Variants in KCNQ3 observed in about 807,000 individuals in gnomAD.
KCNQ3 encodes potassium voltage-gated channel subfamily Q member 3.
In KCNQ3, 30 loss-of-function variants were observed where a neutral mutation model predicts 92.5. The observed-to-expected ratio is 0.32, with a 90% CI of 0.24 to 0.44. The LOEUF (loss-of-function observed/expected upper bound fraction) is 0.44. Ranked by LOEUF, KCNQ3 falls within the 20% of genes least tolerant of loss-of-function variation. The pLI, the probability that KCNQ3 is intolerant of heterozygous loss-of-function variation, is 1.00. For missense variants in KCNQ3, 913 were observed against 1,140.3 expected (o/e 0.80, Z 2.87); for synonymous variants, 450 against 468.8 (o/e 0.96, Z 0.52).
At chr8:132,343,434 G>T (rs1818592343) in intron 1 of KCNQ3, among the ~76,000 whole-genome samples, 1 of 152,136 alleles carries the variant, frequency 6.6e-6, no homozygotes, top group Admixed American at 6.5e-5. Flanking sequence ...ACCAAGCTGG[G>T]GAAATACCCA....
chr8:132,213,593 T>C (rs905494477), intron 1 of KCNQ3, among the ~76,000 whole-genome samples: 16 of 152,232 alleles, frequency 1.1e-4, no homozygotes, highest in Non-Finnish European at 2.1e-4. Context: ...CCTCTCATGC[T>C]GAGCTGATGG....
At chr8:132,447,786 C>G (rs1431751415) in intron 1 of KCNQ3, among the ~76,000 whole-genome samples, 7 of 152,254 alleles carry the variant, frequency 4.6e-5, no homozygotes, top group Admixed American at 1.3e-4. Context: ...TCCTATATGA[C>G]TTTGGGCTTG....
intron 9 of KCNQ3, among the ~76,000 whole-genome samples, chr8:132,145,388 G>A (rs573205055): frequency 6.6e-6 from 1 of 152,326 alleles, no homozygotes; most frequent in South Asian, 2.1e-4. Context: ...GCTGTATAGT[G>A]GAAAGAGTGT....
intron 1 of KCNQ3, among the ~76,000 whole-genome samples, chr8:132,315,815 TA>T (rs1355503593): frequency 6.6e-6 from 1 of 152,210 alleles, no homozygotes; most frequent in Non-Finnish European, 1.5e-5. Context: ...CTCTATGTAT[TA>T]TTAAACTTCA....
chr8:132,249,922 G>T (rs1815342876), intron 1 of KCNQ3, among the ~76,000 whole-genome samples: 3 of 152,176 alleles, frequency 2.0e-5, no homozygotes, highest in Non-Finnish European at 4.4e-5. Context: ...CACTGCCTGG[G>T]GCCAGCGGCA....
intron 8 of KCNQ3, among the ~76,000 whole-genome samples, chr8:132,169,015 C>CA (rs570281435): frequency 2.5e-4 from 38 of 151,890 alleles, no homozygotes; most frequent in African/African-American, 7.5e-4. Flanking sequence ...GTATCAAAAA[C>CA]AAAAAAATGC....
chr8:132,251,795 A>G (rs1239342108), intron 1 of KCNQ3, among the ~76,000 whole-genome samples: 1 of 152,262 alleles, frequency 6.6e-6, no homozygotes, highest in Admixed American at 6.5e-5. Flanking sequence ...ATAGAGAGAC[A>G]GCTGGGCCCT....
At chr8:132,470,416 C>T (rs6471069) in intron 1 of KCNQ3, among the ~76,000 whole-genome samples, 27,397 of 152,184 alleles carry the variant, frequency 0.18, 2,988 homozygotes, top group East Asian at 0.4. Context: ...ATGTTTGCCA[C>T]ATTTTCTTTT....
At chr8:132,449,774 G>A (rs1821779114) in intron 1 of KCNQ3, among the ~76,000 whole-genome samples, 1 of 152,184 alleles carries the variant, frequency 6.6e-6, no homozygotes, top group African/African-American at 2.4e-5. Flanking sequence ...CATGTGGGAG[G>A]CAAGGATCAA....
intron 1 of KCNQ3, among the ~76,000 whole-genome samples, chr8:132,458,573 G>C (rs930361052): frequency 5.9e-5 from 9 of 152,290 alleles, no homozygotes; most frequent in African/African-American, 2.2e-4. Context: ...TCCTGCCTCA[G>C]CCTCCCAAGT....
Position 132,129,697 on chromosome 8 carries a change from T to C in KCNQ3, c.2184A>G (p.Gly728=), listed in dbSNP as rs1824797242. 1 of 1,613,934 alleles carries C rather than the reference T, an allele frequency of 6.2e-7. No individual in the cohort carries two copies. The change falls in exon 15 of 15, where the codon GGA becomes GGG. Residue 728 remains glycine, a synonymous_variant. Coordinates refer to ENST00000388996, the MANE Select transcript of KCNQ3 (RefSeq NM_004519.4). This position sits in a 1 kb window ranked among gnomAD's most constrained non-coding sequence, Gnocchi z 5.9. ...AGGAAGGAGGAGTTGCCTGAACCTTTCCAGAACTGGGTCCCCCTCGGGGCA... is the reference window on the plus strand; with the variant it reads ...AGGAAGGAGGAGTTGCCTGAACCTTCCCAGAACTGGGTCCCCCTCGGGGCA... ...VNLPRGGPSS[G]KVQATPPSSA...
At chr8:132,327,426 C>T (rs1184115215) in intron 1 of KCNQ3, among the ~76,000 whole-genome samples, 4 of 152,276 alleles carry the variant, frequency 2.6e-5, no homozygotes, top group Admixed American at 1.3e-4. Context: ...CGCCCCAAAC[C>T]ACATGGTAAC....
chr8:132,228,539 G>A (rs1489210786), intron 1 of KCNQ3, among the ~76,000 whole-genome samples: 1 of 151,976 alleles, frequency 6.6e-6, no homozygotes, highest in Admixed American at 6.6e-5. Flanking sequence ...ATTACTACAC[G>A]GAAATACTTA....
At chr8:132,218,257 G>C (rs994587959) in intron 1 of KCNQ3, among the ~76,000 whole-genome samples, 6 of 152,184 alleles carry the variant, frequency 3.9e-5, no homozygotes, top group African/African-American at 1.4e-4. Context: ...CCTAGCACCT[G>C]GGACACTACC....
intron 3 of KCNQ3, among the ~76,000 whole-genome samples, chr8:132,183,706 A>T (rs955576634): frequency 6.6e-6 from 1 of 152,206 alleles, no homozygotes; most frequent in African/African-American, 2.4e-5. Context: ...AAGAAGCAAG[A>T]CCACACCTGG....
chr8:132,187,897 G>A (rs1281612489), intron 1 of KCNQ3, among the ~76,000 whole-genome samples: 40 of 88,194 alleles, frequency 4.5e-4, no homozygotes, highest in Non-Finnish European at 7.0e-4. Context: ...GGTGGTGGTG[G>A]TGGTGATGGT....
At chr8:132,444,705 G>T (rs1225202454) in intron 1 of KCNQ3, among the ~76,000 whole-genome samples, 1 of 152,256 alleles carries the variant, frequency 6.6e-6, no homozygotes, top group Non-Finnish European at 1.5e-5. Context: ...CCACAGGTCA[G>T]TGCTGCTCCG....
At chr8:132,336,394 T>C (rs976063534) in intron 1 of KCNQ3, among the ~76,000 whole-genome samples, 2 of 152,210 alleles carry the variant, frequency 1.3e-5, no homozygotes, top group African/African-American at 2.4e-5. Context: ...CCCACTGTAG[T>C]GACTTAATCT....
intron 1 of KCNQ3, among the ~76,000 whole-genome samples, chr8:132,439,271 T>C (rs897611846): frequency 3.3e-5 from 5 of 151,896 alleles, no homozygotes; most frequent in Non-Finnish European, 5.9e-5. Flanking sequence ...GCAAACCTTT[T>C]TGAAGTCTAC....
Sources: allele counts gnomAD v4.1 joint callset (sites outside exome capture counted in the v4.1 genomes callset), GRCh38; gene constraint gnomAD v4.1.1; non-coding constraint Gnocchi (gnomAD v3.1); transcripts MANE v1.5; gene names NCBI Gene and HGNC (gene_info 2026-07-23, HGNC 2026-07-21).